Variants in KCNA3 observed in about 807,000 individuals in gnomAD.
KCNA3 encodes the protein potassium voltage-gated channel subfamily A member 3.
KCNA3 carries 18 observed loss-of-function variants against 34.3 expected under a neutral mutation model. That is an observed-to-expected ratio of 0.52 (90% CI 0.36 to 0.78). The LOEUF (loss-of-function observed/expected upper bound fraction) is 0.78. KCNA3 is among the 30% of genes least tolerant of loss of function. KCNA3 has a pLI of 0.00. For synonymous variants in KCNA3, 324 were observed against 351.7 expected (o/e 0.92, Z 0.88); for missense variants, 587 against 802.5 (o/e 0.73, Z 3.24).
chr1:110,663,071 C>A, the KCNA3 span, among the ~76,000 whole-genome samples: 1 of 151,988 alleles, frequency 6.6e-6, no homozygotes, highest in Non-Finnish European at 1.5e-5. Flanking sequence ...TATTTTATTG[C>A]CCTGTAGTCA....
the KCNA3 span, among the ~76,000 whole-genome samples, chr1:110,661,492 G>A: frequency 1.3e-5 from 2 of 152,138 alleles, no homozygotes; most frequent in Non-Finnish European, 2.9e-5. Context: ...AGTTATTAAT[G>A]ACTACTAATC....
At position 110,674,832 on chromosome 1, in the gene KCNA3, G is replaced by T; in HGVS notation, c.-23C>A. ...CATGCGGCGGGGAAGAGGCGGCAGC[G>T]GTGAGGCCAGGTCGCTCCTCCTCGC... On this transcript the variant is annotated 5_prime_UTR_variant, in exon 1 of 1. Transcript: ENST00000369769. This position sits in a 1 kb window ranked among gnomAD's most constrained non-coding sequence, Gnocchi z 6.4. The T allele has an allele frequency of 7.7e-7, 1 of 1,302,298 alleles. No homozygotes were observed. Among genetic ancestry groups the T allele is most frequent in the Non-Finnish European group, 9.7e-7 (1 of 1,029,866 alleles). 80.7% of individuals were successfully genotyped at this position (1,302,298 alleles called of 1,614,324 possible).
downstream of KCNA3, among the ~76,000 whole-genome samples, chr1:110,672,259 T>C (rs1651917377): frequency 6.6e-6 from 1 of 152,214 alleles, no homozygotes; most frequent in African/African-American, 2.4e-5. Context: ...ACTTTAATCT[T>C]CTTGTGATAC....
the KCNA3 span, among the ~76,000 whole-genome samples, chr1:110,666,009 C>A: frequency 6.6e-6 from 1 of 152,062 alleles, no homozygotes; most frequent in Non-Finnish European, 1.5e-5. Context: ...GAGAGATAGT[C>A]CCCACTCTCA....
At chr1:110,663,987 T>G in the KCNA3 span, among the ~76,000 whole-genome samples, 1 of 152,220 alleles carries the variant, frequency 6.6e-6, no homozygotes, top group African/African-American at 2.4e-5. Flanking sequence ...TTGCAAAAGA[T>G]AGTCAGGCCA....
At chr1:110,670,384 GC>G (rs1239487134), downstream of KCNA3, among the ~76,000 whole-genome samples, 1 of 152,026 alleles carries the variant, frequency 6.6e-6, no homozygotes, top group African/African-American at 2.4e-5. Context: ...AAGAACAAAG[GC>G]CCCCTTTAAA....
chr1:110,664,123 G>A, the KCNA3 span, among the ~76,000 whole-genome samples: 1 of 152,126 alleles, frequency 6.6e-6, no homozygotes, highest in African/African-American at 2.4e-5. Context: ...AACTGAGACT[G>A]AACTTATAGG....
In KCNA3 at chr1:110,674,891, C is replaced by T. The variant is rs1332695716; in HGVS notation, c.-82G>A. ...CCCTTTCGCCGCCTCCGCCCCCGAG[C>T]CGAGCCCACCGCCTGTTGCAGCCAA... On this transcript the variant is annotated 5_prime_UTR_variant, in exon 1 of 1. Transcript: ENST00000369769. The surrounding 1 kb of genome is among the most constrained non-coding windows in gnomAD (Gnocchi z 6.4). 4 of 1,268,508 alleles carry T rather than the reference C, an allele frequency of 3.2e-6. No homozygotes were observed. The Admixed American group carries it at 1.7e-4, about 54-fold the overall frequency. The allele number at this position is 1,268,508 out of a possible 1,614,324, so 78.6% of individuals were successfully genotyped here.
At chr1:110,669,383 A>G (rs1314055256), downstream of KCNA3, among the ~76,000 whole-genome samples, 4 of 152,230 alleles carry the variant, frequency 2.6e-5, no homozygotes, top group Non-Finnish European at 4.4e-5. Flanking sequence ...AAATCTAGAT[A>G]AACCAACTAT....
chr1:110,666,599 T>C, the KCNA3 span, among the ~76,000 whole-genome samples: 5 of 152,150 alleles, frequency 3.3e-5, no homozygotes, highest in Non-Finnish European at 7.4e-5. Flanking sequence ...GGGTGGGTTA[T>C]ATAATCGGAT....
the KCNA3 span, among the ~76,000 whole-genome samples, chr1:110,662,673 T>G: frequency 6.6e-6 from 1 of 152,152 alleles, no homozygotes; most frequent in Non-Finnish European, 1.5e-5. Context: ...AGCAAAAACC[T>G]TTAATCTCAC....
the KCNA3 span, among the ~76,000 whole-genome samples, chr1:110,662,990 C>T: frequency 6.6e-6 from 1 of 152,152 alleles, no homozygotes; most frequent in African/African-American, 2.4e-5. Flanking sequence ...AAGTCTGACA[C>T]ATAGTCACTC....
chr1:110,672,212 T>C (rs911590805), downstream of KCNA3, among the ~76,000 whole-genome samples: 1 of 152,174 alleles, frequency 6.6e-6, no homozygotes, highest in African/African-American at 2.4e-5. Flanking sequence ...ATCAGTCAGG[T>C]CCGAATTAGT....
At position 110,673,604 on chromosome 1, in the gene KCNA3, G is replaced by A. The variant is rs1169499006; in HGVS notation, c.1206C>T (p.Ile402=). 1 of 1,614,206 alleles carries A rather than the reference G, an allele frequency of 6.2e-7. No homozygotes were observed. The highest frequency in any genetic ancestry group is 1.7e-5 in the Admixed American group (1 of 60,024). The change falls in exon 1 of 1, where the codon ATC becomes ATT. Residue 402 remains isoleucine (I), a synonymous_variant. Transcript: ENST00000369769. This position sits in a 1 kb window ranked among gnomAD's most constrained non-coding sequence, Gnocchi z 8.8. ...GGATGACCCCAATAAAGAGGAAGAA[G>A]ATGAGCAATCCCAGCTCCCGCATGG... is the stretch of plus-strand genomic sequence containing the variant. ...KASMRELGLL[I]FFLFIGVILF...
At chr1:110,669,869 T>C (rs1350901811), downstream of KCNA3, among the ~76,000 whole-genome samples, 1 of 152,206 alleles carries the variant, frequency 6.6e-6, no homozygotes, top group African/African-American at 2.4e-5. Flanking sequence ...TGATTACTTG[T>C]GTATTTCATA....
the KCNA3 span, among the ~76,000 whole-genome samples, chr1:110,662,333 CAAATT>C: frequency 1.3e-5 from 2 of 151,724 alleles, no homozygotes; most frequent in African/African-American, 2.4e-5. Context: ...CAATAATTAT[CAAATT>C]TATGAAGAAG....
downstream of KCNA3, among the ~76,000 whole-genome samples, chr1:110,671,878 A>G (rs1292849648): frequency 6.6e-6 from 1 of 152,222 alleles, no homozygotes; most frequent in Non-Finnish European, 1.5e-5. Flanking sequence ...TTTAATCCAG[A>G]TCATGCCTTA....
downstream of KCNA3, among the ~76,000 whole-genome samples, chr1:110,668,981 C>T (rs181313972): frequency 6.6e-6 from 1 of 152,290 alleles, no homozygotes; most frequent in East Asian, 1.9e-4. Flanking sequence ...GATTTAAGAA[C>T]TGAGAGAAGG....
chr1:110,674,109 C>T lies in KCNA3; in HGVS notation c.701G>A (p.Arg234Gln), dbSNP rs1651988027. 6.2e-7 allele frequency: 1 copy of T among 1,610,554 alleles called. No homozygotes were observed. The highest frequency in any genetic ancestry group is 8.5e-7 in the Non-Finnish European group (1 of 1,178,398). The change falls in exon 1 of 1, where the codon CGG becomes CAG. Residue 234 changes from arginine (R) to glutamine (Q), a missense_variant. Physicochemically the swap from Arg to Gln is conservative, Grantham distance 43. Transcript: ENST00000369769. This position sits in a 1 kb window ranked among gnomAD's most constrained non-coding sequence, Gnocchi z 6.4. ...FEYPESSGPARGIAIVSVLVI... is the reference protein window; with the variant it reads ...FEYPESSGPAQGIAIVSVLVI... ...CAGCACGGACACGATGGCGATGCCC[C>T]GGGCCGGCCCGGAGCTCTCGGGGTA...
Sources: allele counts gnomAD v4.1 joint callset (sites outside exome capture counted in the v4.1 genomes callset), GRCh38; gene constraint gnomAD v4.1.1; non-coding constraint Gnocchi (gnomAD v3.1); transcripts MANE v1.5; gene names NCBI Gene and HGNC (gene_info 2026-07-23, HGNC 2026-07-21).